The following FAIM2 variants were observed in gnomAD, a reference collection of about 807,000 sequenced individuals.
FAIM2 encodes Fas apoptotic inhibitory molecule 2, also known as protein lifeguard 2.
In FAIM2, 27 loss-of-function variants were observed where a neutral mutation model predicts 47.4. The observed-to-expected ratio is 0.57, with a 90% CI of 0.42 to 0.78. FAIM2 has a LOEUF of 0.78. Among genes scored for constraint, FAIM2 ranks in the 30% least tolerant of loss-of-function variants. The pLI, the probability that FAIM2 is intolerant of heterozygous loss-of-function variation, is 0.00. For missense variants in FAIM2, 311 were observed against 389.4 expected, an observed-to-expected ratio of 0.80 and a Z score of 1.69; for synonymous variants, 156 against 159.3, an observed-to-expected ratio of 0.98 and a Z score of 0.16.
At chr12:49,875,754 C>T (rs1010329735) in intron 11 of FAIM2, among the ~76,000 whole-genome samples, 8 of 152,242 alleles carry the variant, frequency 5.3e-5, no homozygotes, top group East Asian at 1.9e-4. Flanking sequence ...GTGGGTGGAT[C>T]GCCTGAGGTC....
intron 11 of FAIM2, among the ~76,000 whole-genome samples, chr12:49,878,107 T>TGA (rs1946753604): frequency 8.3e-6 from 1 of 120,422 alleles, no homozygotes; most frequent in African/African-American, 3.2e-5. Flanking sequence ...TGTGTGCATG[T>TGA]GTGTATGTGG....
chr12:49,901,474 A>G (rs1946982057), intron 1 of FAIM2, 149 bp from the exon 2 acceptor site: 2 of 598,952 alleles, frequency 3.3e-6, no homozygotes, highest in Middle Eastern at 2.6e-4. Flanking sequence ...GAATGTCTCT[A>G]TTTTATAGAC....
rs1361650424 is a variant in FAIM2 at position 49,874,160 on chromosome 12, G to A, written c.802-3507C>T. 6.6e-6 allele frequency among the ~76,000 whole-genome samples: 1 copy of A among 152,210 alleles called. No individual in the cohort carries two copies. The highest frequency in any genetic ancestry group is 2.4e-5 in the African/African-American group (1 of 41,448). Reference sequence around the variant, plus strand: ...ACCCCTAAAAGGAGGGCAGGTACTTGAGTTAGTGTTCAGCTGAACAGGAGA... The same window carrying A: ...ACCCCTAAAAGGAGGGCAGGTACTTAAGTTAGTGTTCAGCTGAACAGGAGA... On this transcript the variant is annotated intron_variant, in intron 11 of 11. Coordinates refer to ENST00000320634, the MANE Select transcript of FAIM2 (RefSeq NM_012306.4). This position sits in a 1 kb window ranked among gnomAD's most constrained non-coding sequence, Gnocchi z 4.2.
intron 7 of FAIM2, 93 bp downstream of exon 7, chr12:49,890,590 C>T (rs1053805171): frequency 1.6e-6 from 2 of 1,223,110 alleles, no homozygotes; most frequent in Non-Finnish European, 2.4e-6. Context: ...TGGACATCCC[C>T]AGCCCAGTCT....
At chr12:49,885,884 A>T (rs1264544385) in intron 11 of FAIM2, among the ~76,000 whole-genome samples, 1 of 152,172 alleles carries the variant, frequency 6.6e-6, no homozygotes, top group Non-Finnish European at 1.5e-5. Context: ...CATCACACAC[A>T]GTAGGTGCTC....
intron 11 of FAIM2, among the ~76,000 whole-genome samples, chr12:49,872,179 G>C (rs1283438165): frequency 6.6e-6 from 1 of 152,126 alleles, no homozygotes; most frequent in Non-Finnish European, 1.5e-5. Context: ...GCAGCGTCAT[G>C]GGGGACACTT....
At chr12:49,889,683 T>A in intron 8 of FAIM2, 115 bp from the exon 9 acceptor site, 1 of 784,546 alleles carries the variant, frequency 1.3e-6, no homozygotes, top group Non-Finnish European at 2.2e-6. Flanking sequence ...CTGGCCCCAG[T>A]CTGGTGCCCT....
At chr12:49,890,954 T>C in intron 6 of FAIM2, 110 bp downstream of exon 6, 3 of 1,089,708 alleles carry the variant, frequency 2.8e-6, no homozygotes, top group South Asian at 2.5e-5. Flanking sequence ...CAGAGAGGGA[T>C]GGGGCCCTCT....
chr12:49,879,094 ATG>A (rs1427225977), intron 11 of FAIM2, among the ~76,000 whole-genome samples: 10 of 134,672 alleles, frequency 7.4e-5, no homozygotes, highest in African/African-American at 2.0e-4. Flanking sequence ...GTCTGTGTGC[ATG>A]TGAGTGTATG....
intron 11 of FAIM2, among the ~76,000 whole-genome samples, chr12:49,884,952 C>T (rs891718532): frequency 5.9e-5 from 9 of 152,004 alleles, no homozygotes; most frequent in African/African-American, 1.9e-4. Context: ...CCAGCCTGGG[C>T]GACAGAGTGA....
At chr12:49,879,665 TGA>T (rs746756722) in intron 11 of FAIM2, among the ~76,000 whole-genome samples, 5,015 of 150,016 alleles carry the variant, frequency 0.033, 254 homozygotes, top group Admixed American at 0.14. Context: ...TGTGTATATG[TGA>T]GTGTGTGCAT....
At chr12:49,890,427 G>A (rs965560720) in intron 7 of FAIM2, among the ~76,000 whole-genome samples, 10 of 152,118 alleles carry the variant, frequency 6.6e-5, no homozygotes, top group Non-Finnish European at 2.9e-5. Context: ...CATAGCTCTA[G>A]GATGCCTCAA....
At chr12:49,885,799 A>G (rs1293199646) in intron 11 of FAIM2, among the ~76,000 whole-genome samples, 1 of 151,998 alleles carries the variant, frequency 6.6e-6, no homozygotes, top group Non-Finnish European at 1.5e-5. Context: ...TCATTCTACA[A>G]TACTGGCTGT....
At position 49,887,440 on chromosome 12, in the gene FAIM2, C is replaced by A. The variant is rs1345066539; in HGVS notation, c.748-1G>T. The A allele has an allele frequency of 6.2e-7, 1 of 1,610,728 alleles. No individual in the cohort carries two copies. ...CATAAACTGCATGGAGCCAGGGCAC[C>A]TGCGGCAGAGGAAAAATGGGCTTAG... is the stretch of plus-strand genomic sequence containing the variant. On this transcript the variant is annotated splice_acceptor_variant, in intron 10 of 11. Transcript: ENST00000320634. LOFTEE classifies it high-confidence loss of function.
chr12:49,871,247 A>C (rs1317549358), intron 11 of FAIM2, among the ~76,000 whole-genome samples: 1 of 152,236 alleles, frequency 6.6e-6, no homozygotes, highest in African/African-American at 2.4e-5. Context: ...AAGGTTACAC[A>C]GCTGGAAAGT....
chr12:49,898,080 G>A lies in FAIM2; in HGVS notation c.222C>T (p.Ser74=), dbSNP rs765253709. ...SWAYVDPSSS[S]SYDNGFPTGD... Reference sequence around the variant, plus strand: ...CGGTGGGGAAACCGTTGTCATAGCTGGAGCTGCTGCCTGTGTGGCACGTGG... The same window carrying A: ...CGGTGGGGAAACCGTTGTCATAGCTAGAGCTGCTGCCTGTGTGGCACGTGG... Residue 74 remains serine, a synonymous_variant, in exon 3 of 12, where the codon TCC becomes TCT. Coordinates refer to ENST00000320634, the MANE Select transcript of FAIM2 (RefSeq NM_012306.4). The A allele has an allele frequency of 3.1e-6, 5 of 1,613,780 alleles. No individual in the cohort carries two copies. In the South Asian group the frequency reaches 4.4e-5, roughly 14 times the overall value.
rs75747939 is a variant in FAIM2, at chr12:49,875,516, C to T, written c.802-4863G>A. Among the ~76,000 whole-genome samples the T allele has an allele frequency of 4.6e-3, 702 of 152,292 alleles. 4 individuals carry two copies. Among genetic ancestry groups the T allele is most frequent in the African/African-American group, 0.016 (665 of 41,542 alleles). ...TACCAATAGAAGATACTTCTCTCCA[C>T]TGACCTGGATGTCAAAAATTTAGAT... On this transcript the variant is annotated intron_variant, in intron 11 of 11. Transcript: ENST00000320634.
intron 9 of FAIM2, 132 bp from the exon 10 acceptor site, chr12:49,889,334 C>G: frequency 1.0e-6 from 1 of 953,650 alleles, no homozygotes; most frequent in Non-Finnish European, 1.7e-6. Context: ...CCCCTCCTCC[C>G]CCTCATCAGG....
intron 4 of FAIM2, 26 bp from the exon 5 acceptor site, chr12:49,897,110 A>C: frequency 6.3e-7 from 1 of 1,593,384 alleles, no homozygotes; most frequent in Middle Eastern, 1.7e-4. Context: ...AGTGGGAGAG[A>C]GAGTCAGAAT....
Sources: gnomAD v4.1 joint callset for allele counts (sites outside exome capture counted in the v4.1 genomes callset) on GRCh38, gnomAD v4.1.1 for gene constraint, Gnocchi (gnomAD v3.1) non-coding constraint, MANE v1.5 for transcripts, NCBI Gene and HGNC (gene_info 2026-07-23, HGNC 2026-07-21) for gene names.